MAGI2: variants seen among roughly 807,000 people sequenced by gnomAD.
MAGI2 encodes membrane-associated guanylate kinase, WW and PDZ domain-containing protein 2.
Under a neutral mutation model 133.3 loss-of-function variants are expected in MAGI2, and 35 were observed. The ratio of observed to expected loss-of-function variants is 0.26; its 90% CI spans 0.20 to 0.35. The LOEUF (loss-of-function observed/expected upper bound fraction) is 0.35. Ranked by LOEUF, MAGI2 falls within the 10% of genes least tolerant of loss-of-function variation. The pLI is 1.00. For synonymous variants in MAGI2, 729 were observed against 710.6 expected (o/e 1.03, Z -0.41); for missense variants, 1,636 against 1,863.4 (o/e 0.88, Z 2.25).
intron 2 of MAGI2, among the ~76,000 whole-genome samples, chr7:78,930,445 G>C (rs945203106): frequency 7.9e-5 from 12 of 152,046 alleles, no homozygotes; most frequent in African/African-American, 2.9e-4. Context: ...GCAAACAGCA[G>C]GTGCAGTTCT....
At chr7:79,007,940 G>T (rs1450826879) in intron 1 of MAGI2, among the ~76,000 whole-genome samples, 1 of 151,358 alleles carries the variant, frequency 6.6e-6, no homozygotes, top group Non-Finnish European at 1.5e-5. Context: ...GCGACTGTTT[G>T]ACCTTATAAT....
intron 17 of MAGI2, chr7:78,134,300 C>G (rs1584076080): frequency 6.6e-6 from 1 of 152,208 alleles, no homozygotes; most frequent in East Asian, 1.9e-4. Flanking sequence ...AGCCCATCAG[C>G]CTCTGTGTGG....
At chr7:79,402,952 C>T (rs1377008625) in intron 1 of MAGI2, among the ~76,000 whole-genome samples, 2 of 152,136 alleles carry the variant, frequency 1.3e-5, no homozygotes, top group Admixed American at 6.5e-5. Context: ...CACTTAGGTA[C>T]CCTGTTCCTC....
intron 3 of MAGI2, among the ~76,000 whole-genome samples, chr7:78,526,731 C>T (rs1217230967): frequency 6.6e-6 from 1 of 151,804 alleles, no homozygotes; most frequent in Non-Finnish European, 1.5e-5. Context: ...AAAAGTTGGC[C>T]GGGTGCCGTG....
intron 7 of MAGI2, chr7:78,348,329 G>A (rs889679936): frequency 2.0e-5 from 3 of 152,160 alleles, no homozygotes; most frequent in South Asian, 4.1e-4. Flanking sequence ...GTTGCTGTGA[G>A]GATAAGAGAA....
intron 6 of MAGI2, among the ~76,000 whole-genome samples, chr7:78,406,672 G>C (rs1346653707): frequency 3.3e-5 from 5 of 151,930 alleles, no homozygotes; most frequent in African/African-American, 1.2e-4. Flanking sequence ...ATCTAAGCTA[G>C]GCTTTACAGT....
chr7:78,571,622 C>A (rs572301879), intron 3 of MAGI2, among the ~76,000 whole-genome samples: 34 of 152,114 alleles, frequency 2.2e-4, no homozygotes, highest in Non-Finnish European at 4.4e-4. Context: ...AGACAACTGA[C>A]ATTCAACAGA....
chr7:78,785,886 G>T (rs759012029), intron 2 of MAGI2, among the ~76,000 whole-genome samples: 10 of 152,140 alleles, frequency 6.6e-5, no homozygotes, highest in Admixed American at 1.3e-4. Flanking sequence ...CGCAAACTCT[G>T]CCTGGACACT....
chr7:79,261,404 A>G (rs189482403), intron 1 of MAGI2, among the ~76,000 whole-genome samples: 40 of 152,328 alleles, frequency 2.6e-4, no homozygotes, highest in African/African-American at 8.4e-4. Flanking sequence ...AGGATACCAA[A>G]ATATCTGCTT....
At chr7:78,256,710 A>G in intron 9 of MAGI2, 129 bp from the exon 10 acceptor site, 1 of 736,722 alleles carries the variant, frequency 1.4e-6, no homozygotes, top group Non-Finnish European at 2.2e-6. Flanking sequence ...AATTAGAATA[A>G]TACTTAAAAT....
chr7:78,751,890 T>C (rs1823489376), intron 2 of MAGI2, among the ~76,000 whole-genome samples: 1 of 152,254 alleles, frequency 6.6e-6, no homozygotes. Flanking sequence ...ATAGAAGTTC[T>C]ATTGTTTTAT....
In MAGI2 at chr7:79,086,995, G is replaced by A. The variant is rs1036877908; in HGVS notation, c.302-79789C>T. Among the ~76,000 whole-genome samples the A allele has an allele frequency of 6.6e-5, 10 of 151,586 alleles. No individual in the cohort carries two copies. The East Asian group carries it at 1.9e-3, about 29-fold the overall frequency. On this transcript the variant is annotated intron_variant, in intron 1 of 21. Transcript: ENST00000354212. Reference sequence around the variant, plus strand: ...GTATCTGAGGACTAGAAATAAAAGAGTTATTTGTTAATAAAGAAAATTAAT... The same window carrying A: ...GTATCTGAGGACTAGAAATAAAAGAATTATTTGTTAATAAAGAAAATTAAT...
chr7:78,109,221 G>T (rs11763363), intron 20 of MAGI2, among the ~76,000 whole-genome samples: 9,019 of 131,986 alleles, frequency 0.068, 329 homozygotes, highest in Non-Finnish European at 0.084. Flanking sequence ...GGAGAATGGC[G>T]CGAACCCAGG....
At chr7:79,120,877 T>C (rs1046267098) in intron 1 of MAGI2, among the ~76,000 whole-genome samples, 1 of 152,088 alleles carries the variant, frequency 6.6e-6, no homozygotes, top group African/African-American at 2.4e-5. Flanking sequence ...TATATACTTC[T>C]CTGGATTTTA....
At chr7:79,230,117 T>G (rs1050934634) in intron 1 of MAGI2, among the ~76,000 whole-genome samples, 1 of 151,680 alleles carries the variant, frequency 6.6e-6, no homozygotes, top group African/African-American at 2.4e-5. Flanking sequence ...ACAAAGGACA[T>G]GAACTCATCA....
intron 2 of MAGI2, among the ~76,000 whole-genome samples, chr7:78,645,111 C>T (rs963922558): frequency 2.5e-4 from 37 of 148,328 alleles, no homozygotes; most frequent in East Asian, 5.9e-4. Flanking sequence ...TATGTGTGTG[C>T]GTGTGTGTGT....
intron 1 of MAGI2, among the ~76,000 whole-genome samples, chr7:79,422,113 T>G (rs10239869): frequency 0.25 from 37,469 of 151,910 alleles, 6,711 homozygotes; most frequent in African/African-American, 0.51. Context: ...ATGACTTTGG[T>G]CAATTCTGAA....
chr7:79,182,581 T>C (rs557311453), intron 1 of MAGI2, among the ~76,000 whole-genome samples: 49 of 152,046 alleles, frequency 3.2e-4, no homozygotes, highest in Non-Finnish European at 4.4e-4. Context: ...TTATACACTA[T>C]TAGTGGAAAT....
At chr7:79,075,964 T>G (rs752888970) in intron 1 of MAGI2, among the ~76,000 whole-genome samples, 4 of 152,178 alleles carry the variant, frequency 2.6e-5, no homozygotes, top group Non-Finnish European at 4.4e-5. Flanking sequence ...AAAAAATCTG[T>G]ATCCAGAGCC....
Sources: allele counts gnomAD v4.1 joint callset (sites outside exome capture counted in the v4.1 genomes callset), GRCh38; gene constraint gnomAD v4.1.1; transcripts MANE v1.5; gene names NCBI Gene and HGNC (gene_info 2026-07-23, HGNC 2026-07-21).